PRIM2: variants seen among roughly 807,000 people sequenced by gnomAD.
The protein encoded by PRIM2 is DNA primase subunit 2.
PRIM2 carries 39 observed loss-of-function variants against 67.3 expected under a neutral mutation model. The observed-to-expected ratio is 0.58, with a 90% confidence interval of 0.45 to 0.76. The LOEUF (loss-of-function observed/expected upper bound fraction) is 0.76, where lower values mean the gene tolerates loss of function less well. Ranked by LOEUF, PRIM2 falls within the 30% of genes least tolerant of loss-of-function variation. The probability of loss-of-function intolerance (pLI) is 0.00; values close to 1 mark genes in which losing one functional copy is unlikely to be tolerated. For missense variants in PRIM2, 398 were observed against 598.7 expected (o/e 0.66, Z 3.50); for synonymous variants, 143 against 198.7 (o/e 0.72, Z 2.36).
chr6:57,432,357 C>T (rs1581898829), intron 7 of PRIM2, among the ~76,000 whole-genome samples: 2 of 151,618 alleles, frequency 1.3e-5, no homozygotes, highest in Admixed American at 6.6e-5. Context: ...TATTTTTCTT[C>T]GAAGTCAGAA....
At chr6:57,308,111 T>C in the PRIM2 span, among the ~76,000 whole-genome samples, 1 of 150,828 alleles carries the variant, frequency 6.6e-6, no homozygotes, top group African/African-American at 2.5e-5. Context: ...AATTTATTTA[T>C]CTATTTCTTT....
chr6:57,571,996 CT>C (rs1775872322), intron 10 of PRIM2, among the ~76,000 whole-genome samples: 1 of 152,184 alleles, frequency 6.6e-6, no homozygotes, highest in African/African-American at 2.4e-5. Context: ...TACCATCTTA[CT>C]TTGTATTTGT....
intron 5 of PRIM2, among the ~76,000 whole-genome samples, chr6:57,337,718 G>C (rs898202341): frequency 5.9e-5 from 9 of 152,180 alleles, no homozygotes; most frequent in African/African-American, 1.9e-4. Context: ...GCAGTGTGTA[G>C]AGGGAAATAT....
intron 8 of PRIM2, among the ~76,000 whole-genome samples, chr6:57,509,745 T>C (rs1229349365): frequency 6.6e-6 from 1 of 151,268 alleles, no homozygotes; most frequent in African/African-American, 2.4e-5. Context: ...CTTCTGCCAC[T>C]TCTATTTATG....
At chr6:57,366,702 C>G (rs1298312148) in intron 5 of PRIM2, among the ~76,000 whole-genome samples, 1 of 152,108 alleles carries the variant, frequency 6.6e-6, no homozygotes, top group Non-Finnish European at 1.5e-5. Context: ...GTCCCACATC[C>G]TTAGAAACCT....
chr6:57,246,553 C>T, the PRIM2 span, among the ~76,000 whole-genome samples: 1 of 152,056 alleles, frequency 6.6e-6, no homozygotes, highest in Non-Finnish European at 1.5e-5. Flanking sequence ...AACCCCAGAG[C>T]GCACAGTTAC....
chr6:57,451,774 C>G (rs909275247), intron 7 of PRIM2, among the ~76,000 whole-genome samples: 4 of 148,692 alleles, frequency 2.7e-5, no homozygotes, highest in Non-Finnish European at 4.5e-5. Flanking sequence ...TTGTTCATTT[C>G]CTTTCTTTTT....
chr6:57,467,119 A>AG (rs1403422786), intron 7 of PRIM2, among the ~76,000 whole-genome samples: 67 of 149,714 alleles, frequency 4.5e-4, no homozygotes, highest in African/African-American at 1.6e-3. Context: ...AAAAAAAAAA[A>AG]AGAAAAGAAA....
intron 5 of PRIM2, among the ~76,000 whole-genome samples, chr6:57,331,951 G>T (rs1401301515): frequency 6.6e-6 from 1 of 150,978 alleles, no homozygotes; most frequent in Non-Finnish European, 1.5e-5. Flanking sequence ...CTTTGGTTTG[G>T]TTTGCTCTTT....
the PRIM2 span, among the ~76,000 whole-genome samples, chr6:57,224,534 C>T: frequency 7.7e-4 from 116 of 151,622 alleles, no homozygotes; most frequent in African/African-American, 2.5e-3. Flanking sequence ...GGTTGCACAA[C>T]GATGTGAATA....
At chr6:57,502,460 C>T (rs1554346955) in intron 7 of PRIM2, among the ~76,000 whole-genome samples, 1 of 152,156 alleles carries the variant, frequency 6.6e-6, no homozygotes, top group Non-Finnish European at 1.5e-5. Flanking sequence ...CTTCACTATC[C>T]GATGCCGGAA....
Position 57,606,422 on chromosome 6 carries a change from C to A in PRIM2, c.1195C>A (p.Gln399Lys). 6.3e-7 allele frequency: 1 copy of A among 1,597,230 alleles called. No individual in the cohort carries two copies. The highest frequency in any genetic ancestry group is 8.5e-7 in the Non-Finnish European group (1 of 1,170,390). ...TCCAGAGCTGCTGAAGCAAAAGTTGCAGTCATACAAGATCTCTCCTGGAGG... is the reference window on the plus strand; with the variant it reads ...TCCAGAGCTGCTGAAGCAAAAGTTGAAGTCATACAAGATCTCTCCTGGAGG... ...SDPELLKQKLQSYKISPGGIS... is the reference protein window; with the variant it reads ...SDPELLKQKLKSYKISPGGIS... The change falls in exon 12 of 14, where the codon CAG becomes AAG. Residue 399 changes from glutamine (Q) to lysine (K), a missense_variant. Transcript: ENST00000615550.
intron 10 of PRIM2, among the ~76,000 whole-genome samples, chr6:57,590,233 G>C (rs1776262001): frequency 1.3e-5 from 2 of 152,292 alleles, no homozygotes; most frequent in African/African-American, 4.8e-5. Flanking sequence ...TGAAGACAAA[G>C]TCTTGGTGTG....
At chr6:57,289,998 G>A in the PRIM2 span, among the ~76,000 whole-genome samples, 1 of 151,998 alleles carries the variant, frequency 6.6e-6, no homozygotes, top group Non-Finnish European at 1.5e-5. Context: ...CCAGTTAAAA[G>A]ACACAGACTG....
chr6:57,293,947 C>G, the PRIM2 span, among the ~76,000 whole-genome samples: 1 of 152,012 alleles, frequency 6.6e-6, no homozygotes, highest in African/African-American at 2.4e-5. Flanking sequence ...CACATGCACC[C>G]TACAACTTAA....
intron 4 of PRIM2, among the ~76,000 whole-genome samples, chr6:57,325,658 T>A (rs966725962): frequency 1.3e-5 from 2 of 152,202 alleles, no homozygotes; most frequent in Non-Finnish European, 2.9e-5. Context: ...TTTTATGTTA[T>A]TTAAAAATAA....
rs1175421711 is a variant in PRIM2 at position 57,553,588 on chromosome 6, T to C, written c.1020+15963T>C. On this transcript the variant is annotated intron_variant, in intron 10 of 13. Coordinates refer to ENST00000615550, the MANE Select transcript of PRIM2 (RefSeq NM_000947.5). ...GGACTTATTTTTAAAGGTGGACTCT[T>C]TTTTTTGCCAACATTGCATGCACTT... is the stretch of plus-strand genomic sequence containing the variant. 1.8e-4 allele frequency among the ~76,000 whole-genome samples: 28 copies of C among 152,056 alleles called. No homozygotes were observed. In the East Asian group the frequency reaches 2.1e-3, roughly 12 times the overall value.
intron 7 of PRIM2, among the ~76,000 whole-genome samples, chr6:57,409,276 C>T (rs527396384): frequency 2.6e-5 from 4 of 151,968 alleles, no homozygotes; most frequent in East Asian, 1.9e-4. Flanking sequence ...CTCGGGTTCA[C>T]GCCATTCTTC....
chr6:57,473,525 A>T (rs1773389169), intron 7 of PRIM2, among the ~76,000 whole-genome samples: 1 of 152,116 alleles, frequency 6.6e-6, no homozygotes, highest in African/African-American at 2.4e-5. Flanking sequence ...CCCCTTGTTG[A>T]ATCTAATATG....
Sources: gnomAD v4.1 joint callset for allele counts (sites outside exome capture counted in the v4.1 genomes callset) on GRCh38, gnomAD v4.1.1 for gene constraint, MANE v1.5 for transcripts, NCBI Gene and HGNC (gene_info 2026-07-23, HGNC 2026-07-21) for gene names.